Variants in BTBD8 observed in about 807,000 individuals in gnomAD.
BTBD8 encodes BTB/POZ domain-containing protein 8.
BTBD8 carries 110 observed loss-of-function variants against 162.9 expected under a neutral mutation model. That is an observed-to-expected ratio of 0.68 (90% CI 0.58 to 0.79). The LOEUF is 0.79. BTBD8 is among the 30% of genes least tolerant of loss of function. The pLI, the probability that BTBD8 is intolerant of heterozygous loss-of-function variation, is 0.00. For missense variants in BTBD8, 1,905 were observed against 2,085.4 expected (o/e 0.91, Z 1.68); for synonymous variants, 667 against 716.1 (o/e 0.93, Z 1.10).
chr1:92,129,783 A>G lies in BTBD8; in HGVS notation c.752+7A>G, dbSNP rs764403924. On this transcript the variant is annotated splice_region_variant and intron_variant, in intron 5 of 17. Transcript: ENST00000636805. ...AGTACGTTACTCTTCAAGGGTAAGC[A>G]TATTTTTACAGGGCCATTTGACTGC... 1.9e-6 allele frequency: 3 copies of G among 1,608,222 alleles called. No homozygotes were observed. The highest frequency in any genetic ancestry group is 2.6e-6 in the Non-Finnish European group (3 of 1,174,694).
intron 9 of BTBD8, among the ~76,000 whole-genome samples, chr1:92,165,743 C>T (rs1557461770): frequency 6.6e-6 from 1 of 152,226 alleles, no homozygotes; most frequent in East Asian, 1.9e-4. Context: ...CCCTATTAGG[C>T]CTCTTTGGTC....
chr1:92,132,198 G>A (rs1649533088), intron 5 of BTBD8, among the ~76,000 whole-genome samples: 1 of 152,168 alleles, frequency 6.6e-6, no homozygotes, highest in African/African-American at 2.4e-5. Context: ...CATGGCATAG[G>A]ATTGGGATCT....
chr1:92,112,734 T>C (rs2101911848), intron 4 of BTBD8, among the ~76,000 whole-genome samples: 1 of 152,282 alleles, frequency 6.6e-6, no homozygotes, highest in East Asian at 1.9e-4. Context: ...AAGGTTAACT[T>C]TGCTTTTACA....
At chr1:92,130,307 T>C (rs1263180045) in intron 5 of BTBD8, among the ~76,000 whole-genome samples, 1 of 152,174 alleles carries the variant, frequency 6.6e-6, no homozygotes, top group African/African-American at 2.4e-5. Context: ...CTTTACCATA[T>C]GAATTTGGAG....
Position 92,184,388 on chromosome 1 carries a change from A to G in BTBD8, c.*58A>G. 2 of 1,037,874 alleles carry G rather than the reference A, an allele frequency of 1.9e-6. No homozygotes were observed. The highest frequency in any genetic ancestry group is 5.2e-5 in the East Asian group (2 of 38,268). 64.3% of individuals were successfully genotyped at this position (1,037,874 alleles called of 1,614,324 possible). On this transcript the variant is annotated 3_prime_UTR_variant, in exon 18 of 18. Transcript: ENST00000636805. Reference sequence around the variant, plus strand: ...CTTTATTTTTTGATGCCTATATTATATCCAAATGATAATTGCATTAGCCGG... The same window carrying G: ...CTTTATTTTTTGATGCCTATATTATGTCCAAATGATAATTGCATTAGCCGG...
Position 92,181,005 on chromosome 1 carries a change from T to C in BTBD8, c.3322T>C (p.Cys1108Arg). The C allele has an allele frequency of 1.3e-6, 2 of 1,551,860 alleles. No individual in the cohort carries two copies. The highest frequency in any genetic ancestry group is 1.7e-6 in the Non-Finnish European group (2 of 1,147,022). ...AAACTCCTTGAACTCTAATCCAGTTTGTGATTTAGACTCAACAAGTGCAGG... is the reference window on the plus strand; with the variant it reads ...AAACTCCTTGAACTCTAATCCAGTTCGTGATTTAGACTCAACAAGTGCAGG... ...NENSLNSNPV[C>R]DLDSTSAGQI... is the part of the protein sequence containing the mutation. Residue 1108 changes from cysteine to arginine, a missense_variant, in exon 17 of 18, where the codon TGT (cysteine) becomes CGT (arginine). Around this residue, in one of 3 missense-constraint regions of BTBD8, gnomAD observed 1,374 missense variants for 1,442.7 expected, o/e 0.95. Transcript: ENST00000636805.
chr1:92,102,573 A>G lies in BTBD8; in HGVS notation c.448A>G (p.Ser150Gly), dbSNP rs1648617110. 10 of 1,598,664 alleles carry G rather than the reference A, an allele frequency of 6.3e-6. No homozygotes were observed. Among genetic ancestry groups the G allele is most frequent in the African/African-American group, 1.3e-5 (1 of 74,422 alleles). The stretch of plus-strand genomic sequence containing the variant: ...GATATCACAAAAGCAACTTGACATC[A>G]GTTTTCCAAAGTGTGAAAACTCATC... ...IGISQKQLDI[S>G]FPKCENSSDC... The change falls in exon 3 of 18, where the codon AGT (serine) becomes GGT (glycine). Residue 150 changes from serine to glycine, a missense_variant. This residue lies in a region of BTBD8 where 1,374 missense variants were observed against 1,442.7 expected (regional missense o/e 0.95). Coordinates refer to ENST00000636805, the MANE Select transcript of BTBD8 (RefSeq NM_001376131.1).
intron 4 of BTBD8, among the ~76,000 whole-genome samples, chr1:92,111,844 A>C (rs932364419): frequency 6.6e-6 from 1 of 152,186 alleles, no homozygotes; most frequent in Non-Finnish European, 1.5e-5. Flanking sequence ...CAGGGGGCAA[A>C]CTATGGCCTA....
At chr1:92,165,884 G>C (rs1429188638) in intron 9 of BTBD8, among the ~76,000 whole-genome samples, 1 of 152,160 alleles carries the variant, frequency 6.6e-6, no homozygotes, top group Middle Eastern at 3.2e-3. Flanking sequence ...TCAAGACTGA[G>C]GAGATAGATT....
At chr1:92,091,694 C>G (rs949336526) in intron 2 of BTBD8, among the ~76,000 whole-genome samples, 3 of 152,050 alleles carry the variant, frequency 2.0e-5, no homozygotes, top group Non-Finnish European at 4.4e-5. Flanking sequence ...GTGAGTCTCC[C>G]GAGTAGCAGA....
intron 7 of BTBD8, among the ~76,000 whole-genome samples, chr1:92,144,754 C>T (rs1202650908): frequency 2.0e-5 from 3 of 148,604 alleles, no homozygotes; most frequent in Non-Finnish European, 4.5e-5. Context: ...GAGGCTGCAG[C>T]GAGCCATGGT....
At chr1:92,095,322 A>G (rs922166490) in intron 2 of BTBD8, among the ~76,000 whole-genome samples, 1 of 152,010 alleles carries the variant, frequency 6.6e-6, no homozygotes, top group Admixed American at 6.6e-5. Context: ...TGCCTTGCTT[A>G]TTTCTTCCCT....
chr1:92,164,535 C>A (rs1270816639), intron 9 of BTBD8, among the ~76,000 whole-genome samples: 1 of 151,958 alleles, frequency 6.6e-6, no homozygotes, highest in Non-Finnish European at 1.5e-5. Flanking sequence ...ACAAAAATTG[C>A]TTGAACTGGG....
rs374458952 is a variant in BTBD8 at position 92,144,380 on chromosome 1, C to T, written c.931-2800C>T. ...GGTATAATGTGATGGGCAGTCGGCC[C>T]CAGAACTCCTAGCAAGCTAACTTCA... On this transcript the variant is annotated intron_variant, in intron 7 of 17. Transcript: ENST00000636805. 1.4e-3 allele frequency among the ~76,000 whole-genome samples: 215 copies of T among 152,138 alleles called. 1 individual carries two copies. The highest frequency in any genetic ancestry group is 2.7e-3 in the South Asian group (13 of 4,830).
chr1:92,181,761 G>A lies in BTBD8; in HGVS notation c.4078G>A (p.Glu1360Lys), dbSNP rs748981385. Reference protein sequence around the residue: ...WSRSAIVHSRERENIPRGSVQ... With the variant: ...WSRSAIVHSRKRENIPRGSVQ... ...TCGATCTGCAATAGTTCACTCTAGG[G>A]AAAGAGAAAATATTCCACGAGGCAG... The change falls in exon 17 of 18, where the codon GAA (glutamate) becomes AAA (lysine). Residue 1360 changes from glutamate to lysine, a missense_variant. By Grantham distance (56) the Glu-to-Lys change is moderately conservative. This residue lies in a region of BTBD8 where 517 missense variants were observed against 606.6 expected (regional missense o/e 0.85). Transcript: ENST00000636805. 2 of 1,551,418 alleles carry A rather than the reference G, an allele frequency of 1.3e-6. No homozygotes were observed. The highest frequency in any genetic ancestry group is 8.7e-7 in the Non-Finnish European group (1 of 1,146,950).
Position 92,093,923 on chromosome 1 carries a change from A to G in BTBD8, c.347+5028A>G, listed in dbSNP as rs540466080. 2.0e-4 allele frequency among the ~76,000 whole-genome samples: 31 copies of G among 152,372 alleles called. No individual in the cohort carries two copies. The South Asian group carries it at 6.2e-3, about 31-fold the overall frequency. The stretch of plus-strand genomic sequence containing the variant: ...CTTGGCATAGATCAAATTTTTATAC[A>G]TTAGAGAAAGGGAGACATTACATCA... On this transcript the variant is annotated intron_variant, in intron 2 of 17. Coordinates refer to ENST00000636805, the MANE Select transcript of BTBD8 (RefSeq NM_001376131.1).
At position 92,166,424 on chromosome 1, in the gene BTBD8, C is replaced by CTTTTTTTTTT. The variant is rs35849731; in HGVS notation, c.1123-525_1123-516dup. Among the ~76,000 whole-genome samples the CTTTTTTTTTT allele has an allele frequency of 4.1e-4, 49 of 120,390 alleles. 1 individual carries two copies. The highest frequency in any genetic ancestry group is 1.2e-3 in the East Asian group (5 of 4,206). The allele number at this position is 120,390 out of a possible 152,430, so 79.0% of individuals were successfully genotyped here. ...TATTTTAGCTACTTTTCTTTTCTTT[C>CTTTTTTTTTT]TTTTTTTTTTTTTTTTTTGAGATGG... On this transcript the variant is annotated intron_variant, in intron 9 of 17. Coordinates refer to ENST00000636805, the MANE Select transcript of BTBD8 (RefSeq NM_001376131.1).
intron 13 of BTBD8, among the ~76,000 whole-genome samples, chr1:92,176,564 A>T (rs527825014): frequency 1.6e-3 from 248 of 152,348 alleles, no homozygotes; most frequent in Non-Finnish European, 2.8e-3. Flanking sequence ...ACATTAAAAA[A>T]GCCTTCCTTT....
intron 7 of BTBD8, among the ~76,000 whole-genome samples, chr1:92,144,454 T>G (rs1048575510): frequency 6.6e-6 from 1 of 151,648 alleles, no homozygotes; most frequent in African/African-American, 2.4e-5. Context: ...TTAAACATTT[T>G]GGACTTCATT....
Sources: allele counts gnomAD v4.1 joint callset (sites outside exome capture counted in the v4.1 genomes callset), GRCh38; gene constraint gnomAD v4.1.1; regional missense constraint gnomAD v4.1.1; transcripts MANE v1.5; gene names NCBI Gene and HGNC (gene_info 2026-07-23, HGNC 2026-07-21).